The following LRRC27 variants were observed in gnomAD, a reference collection of about 807,000 sequenced individuals.
LRRC27 encodes leucine-rich repeat-containing protein 27.
Under a neutral mutation model 55.0 loss-of-function variants are expected in LRRC27, and 57 were observed. That is an observed-to-expected ratio of 1.04 (90% confidence interval 0.84 to 1.29). LRRC27 has a LOEUF of 1.29. Among genes scored for constraint, LRRC27 ranks in the 50% most tolerant of loss-of-function variants. The pLI, the probability that LRRC27 is intolerant of heterozygous loss-of-function variation, is 0.00. For missense variants in LRRC27, 721 were observed against 651.5 expected (o/e 1.11, Z -1.16); for synonymous variants, 278 against 251.9 (o/e 1.10, Z -0.98).
chr10:132,353,067 C>T (rs2068139194), intron 7 of LRRC27: 1 of 1,535,686 alleles, frequency 6.5e-7, no homozygotes, highest in Non-Finnish European at 8.8e-7. Flanking sequence ...TCACCCCTCC[C>T]TGGGCCCCAG....
At chr10:132,339,222 C>T (rs1473678489) in intron 3 of LRRC27, among the ~76,000 whole-genome samples, 2 of 152,190 alleles carry the variant, frequency 1.3e-5, no homozygotes, top group Non-Finnish European at 2.9e-5. Flanking sequence ...AATGGTGTCT[C>T]CCAAGAGCCA....
chr10:132,331,549 A>C, upstream of LRRC27: 1 of 1,612,932 alleles, frequency 6.2e-7, no homozygotes, highest in South Asian at 1.1e-5. Flanking sequence ...ATTTGGGGAC[A>C]AGCAGCTCCT....
intron 9 of LRRC27, among the ~76,000 whole-genome samples, chr10:132,365,075 G>A (rs1167062491): frequency 6.6e-6 from 1 of 152,290 alleles, no homozygotes; most frequent in Non-Finnish European, 1.5e-5. Flanking sequence ...TGTGGGAACA[G>A]AAACCTGCTT....
intron 2 of LRRC27, among the ~76,000 whole-genome samples, chr10:132,335,877 G>C (rs1363126418): frequency 6.6e-6 from 1 of 152,158 alleles, no homozygotes; most frequent in East Asian, 1.9e-4. Flanking sequence ...TATTTTGCGG[G>C]CTAGTAAACT....
intron 8 of LRRC27, among the ~76,000 whole-genome samples, chr10:132,357,792 G>T (rs1203320440): frequency 2.0e-5 from 3 of 152,248 alleles, no homozygotes; most frequent in African/African-American, 7.2e-5. Flanking sequence ...GAGCAGTTCA[G>T]TCAGCGAGTA....
In LRRC27 at chr10:132,376,396, C is replaced by T. The variant is rs897001525; in HGVS notation, c.*1154C>T. 6.6e-6 allele frequency: 1 copy of T among 152,254 alleles called. No individual in the cohort carries two copies. The highest frequency in any genetic ancestry group is 2.4e-5 in the African/African-American group (1 of 41,468). 9.4% of individuals were successfully genotyped at this position (152,254 alleles called of 1,614,324 possible). On this transcript the variant is annotated 3_prime_UTR_variant, in exon 11 of 11. Transcript: ENST00000368614. The stretch of plus-strand genomic sequence containing the variant: ...AGAAGAAGGGCGTGAAATTTATCAC[C>T]TAAGCTTTCCATTCAGGAAGCTAGA...
At position 132,380,591 on chromosome 10, in the gene LRRC27, C is replaced by T. The variant is rs1460746189; in HGVS notation, c.*5349C>T. On this transcript the variant is annotated 3_prime_UTR_variant, in exon 11 of 11. Coordinates refer to ENST00000368614, the MANE Select transcript of LRRC27 (RefSeq NM_030626.3). ...GGAGGATCCCTTGAGCCCAGGAGGT[C>T]GAGGCTGCAGTGAGCTGTGATTGCA... is the stretch of plus-strand genomic sequence containing the variant. Among the ~76,000 whole-genome samples the T allele has an allele frequency of 6.6e-6, 1 of 151,612 alleles. No individual in the cohort carries two copies. The highest frequency in any genetic ancestry group is 2.4e-5 in the African/African-American group (1 of 41,226).
intron 4 of LRRC27, among the ~76,000 whole-genome samples, chr10:132,343,032 G>A (rs570383184): frequency 2.0e-5 from 3 of 152,176 alleles, no homozygotes; most frequent in Admixed American, 6.5e-5. Context: ...TTGAGACCAC[G>A]CATAGTGGCT....
rs2067853935 is a variant in LRRC27, at chr10:132,348,813, T to C, written c.926+457T>C. ...CATTTTACCTGTGAAAAGAGAGGAG[T>C]TGGGGGAAAGGTCAGTTATGCAGAA... On this transcript the variant is annotated intron_variant, in intron 6 of 10. Coordinates refer to ENST00000368614, the MANE Select transcript of LRRC27 (RefSeq NM_030626.3). This position sits in a 1 kb window ranked among gnomAD's most constrained non-coding sequence, Gnocchi z 4.2. The C allele has an allele frequency of 1.6e-6, 1 of 611,220 alleles. No individual in the cohort carries two copies. The highest frequency in any genetic ancestry group is 1.8e-5 in the African/African-American group (1 of 54,258). 37.9% of individuals were successfully genotyped at this position (611,220 alleles called of 1,614,324 possible). A position where few individuals can be genotyped will look rare whatever the true frequency, so the allele number is the denominator to read the frequency against.
chr10:132,340,444 C>G (rs1035241820), intron 3 of LRRC27, among the ~76,000 whole-genome samples: 4 of 152,172 alleles, frequency 2.6e-5, no homozygotes, highest in Admixed American at 2.6e-4. Context: ...TGACAAAGCC[C>G]TAGCATTGGA....
At chr10:132,354,994 G>A (rs1305830372) in intron 7 of LRRC27, among the ~76,000 whole-genome samples, 3 of 152,206 alleles carry the variant, frequency 2.0e-5, no homozygotes, top group South Asian at 2.1e-4. Flanking sequence ...CGGGACGTTC[G>A]CAGCCCTGGG....
At chr10:132,370,798 A>G (rs939837093) in intron 10 of LRRC27, among the ~76,000 whole-genome samples, 2 of 152,164 alleles carry the variant, frequency 1.3e-5, no homozygotes, top group African/African-American at 2.4e-5. Flanking sequence ...TCTGCTGCCT[A>G]CACAGGCCCA....
At chr10:132,358,589 GAGC>G (rs771906291) in intron 8 of LRRC27, among the ~76,000 whole-genome samples, 3 of 132,314 alleles carry the variant, frequency 2.3e-5, no homozygotes, top group Non-Finnish European at 3.3e-5. Flanking sequence ...CGAGGTGGTG[GAGC>G]AGCGTAGGGA....
In LRRC27 at chr10:132,359,096, GAGC is replaced by G. The variant is rs376968013; in HGVS notation, c.1171-2358_1171-2356del. ...AGCGTGGGGAGGAGCCGAGGTGATG[GAGC>G]AGTGTGGGGAGGAGCCGAGGTGGTG... On this transcript the variant is annotated intron_variant, in intron 8 of 10. Coordinates refer to ENST00000368614, the MANE Select transcript of LRRC27 (RefSeq NM_030626.3). Among the ~76,000 whole-genome samples the G allele has an allele frequency of 7.4e-4, 10 of 13,576 alleles. 2 individuals are homozygous for G. Among genetic ancestry groups the G allele is most frequent in the African/African-American group, 3.5e-3 (8 of 2,264 alleles). The allele number at this position is 13,576 out of a possible 152,430, so 8.9% of individuals were successfully genotyped here. A position where few individuals can be genotyped will look rare whatever the true frequency, so the allele number is the denominator to read the frequency against.
Position 132,337,021 on chromosome 10 carries a change from G to A in LRRC27, c.211-544G>A, listed in dbSNP as rs1198299884. 2.1e-5 allele frequency: 24 copies of A among 1,165,154 alleles called. No homozygotes were observed. The South Asian group carries it at 3.4e-4, about 17-fold the overall frequency. 72.2% of individuals were successfully genotyped at this position (1,165,154 alleles called of 1,614,324 possible). A position where few individuals can be genotyped will look rare whatever the true frequency, so the allele number is the denominator to read the frequency against. ...CGCCACCGAGTTGATGTGTCAATCTGCTTCTGAAATGCTGCTCGCTGAGGC... is the reference window on the plus strand; with the variant it reads ...CGCCACCGAGTTGATGTGTCAATCTACTTCTGAAATGCTGCTCGCTGAGGC... On this transcript the variant is annotated intron_variant, in intron 2 of 10. Coordinates refer to ENST00000368614, the MANE Select transcript of LRRC27 (RefSeq NM_030626.3).
intron 2 of LRRC27, 24 bp from the exon 3 acceptor site, chr10:132,337,541 C>G (rs373869084): frequency 3.3e-5 from 53 of 1,607,840 alleles, no homozygotes; most frequent in Non-Finnish European, 4.4e-5. Flanking sequence ...ACAAAACATT[C>G]TCTGATTCTC....
upstream of LRRC27, chr10:132,331,833 GGC>G: frequency 6.6e-7 from 1 of 1,515,120 alleles, no homozygotes; most frequent in Non-Finnish European, 8.9e-7. Context: ...CAAGGCCGCG[GGC>G]GCGGAAAAAC....
intron 7 of LRRC27, chr10:132,352,993 T>A (rs1355195718): frequency 6.2e-7 from 1 of 1,612,510 alleles, no homozygotes; most frequent in Non-Finnish European, 8.5e-7. Context: ...GCGAGGTGTG[T>A]TGGCCGATGG....
chr10:132,351,821 A>T (rs1590663400), intron 7 of LRRC27, 68 bp downstream of exon 7: 1 of 1,512,288 alleles, frequency 6.6e-7, no homozygotes, highest in East Asian at 2.3e-5. Context: ...CTGGGCTGTG[A>T]TTTTATGGCA....
Sources: allele counts gnomAD v4.1 joint callset (sites outside exome capture counted in the v4.1 genomes callset), GRCh38; gene constraint gnomAD v4.1.1; non-coding constraint Gnocchi (gnomAD v3.1); transcripts MANE v1.5; gene names NCBI Gene and HGNC (gene_info 2026-07-23, HGNC 2026-07-21).